Variants in CFAP46 observed in about 807,000 individuals in gnomAD.
CFAP46 encodes the protein cilia and flagella associated protein 46.
In CFAP46, 245 loss-of-function variants were observed where a neutral mutation model predicts 325.7. That is an observed-to-expected ratio of 0.75 (90% CI 0.68 to 0.84). The LOEUF (loss-of-function observed/expected upper bound fraction) is 0.84, where lower values mean the gene tolerates loss of function less well. Ranked by LOEUF, CFAP46 falls within the 40% of genes least tolerant of loss-of-function variation. CFAP46 has a pLI of 0.00. For missense variants in CFAP46, 3,346 were observed against 3,543.0 expected (o/e 0.94, Z 1.41); for synonymous variants, 1,523 against 1,495.9 (o/e 1.02, Z -0.42).
intron 44 of CFAP46, among the ~76,000 whole-genome samples, chr10:132,843,918 G>C (rs536683892): frequency 2.6e-3 from 363 of 140,616 alleles, no homozygotes; most frequent in Admixed American, 3.6e-3. Flanking sequence ...CTCCTGGTGG[G>C]TGTTCCCAGG....
chr10:132,892,774 C>T (rs1001858819), intron 24 of CFAP46, among the ~76,000 whole-genome samples: 4 of 152,186 alleles, frequency 2.6e-5, no homozygotes, highest in Non-Finnish European at 4.4e-5. Flanking sequence ...CAAACTTGGC[C>T]CAGGTAAACT....
chr10:132,917,146 G>C (rs1267271304), intron 16 of CFAP46, among the ~76,000 whole-genome samples: 1 of 152,266 alleles, frequency 6.6e-6, no homozygotes, highest in South Asian at 2.1e-4. Flanking sequence ...CCTGAGCAGA[G>C]AGTTCTGTGC....
chr10:132,830,779 C>G (rs1391505537), intron 50 of CFAP46, among the ~76,000 whole-genome samples: 1 of 152,078 alleles, frequency 6.6e-6, no homozygotes, highest in African/African-American at 2.4e-5. Context: ...GTTTCTGTTT[C>G]CTGTGTCATA....
In CFAP46 at chr10:132,840,918, G is replaced by A. The variant is rs527252816; in HGVS notation, c.6439-4004C>T. 5.9e-4 allele frequency among the ~76,000 whole-genome samples: 90 copies of A among 152,276 alleles called. 1 individual carries two copies. In the Middle Eastern group the frequency reaches 0.014, roughly 23 times the overall value. ...CGCAGGTGGGGACACCATAGAGTCC[G>A]GGGTGGCACAGGGCATTCCGTGGCG... On this transcript the variant is annotated intron_variant, in intron 44 of 57. Transcript: ENST00000368586.
chr10:132,822,513 G>A (rs1847884721), intron 50 of CFAP46, among the ~76,000 whole-genome samples: 2 of 116,730 alleles, frequency 1.7e-5, no homozygotes, highest in African/African-American at 6.9e-5. Flanking sequence ...GCTGTGTGCT[G>A]ATGTGTGCTG....
chr10:132,880,911 A>C lies in CFAP46; in HGVS notation c.3749T>G (p.Leu1250Arg). ...GACATCGCCGGGCGGCTTCATGGCC[A>C]GCAGGATCTCGACAGCCCAGCGGAG... ...FHLRWAVEIL[L>R]AMKPPGDVPE... Residue 1250 changes from leucine to arginine, a missense_variant, in exon 28 of 58, where the codon CTG becomes CGG. Coordinates refer to ENST00000368586, the MANE Select transcript of CFAP46 (RefSeq NM_001200049.3). 1.3e-6 allele frequency: 2 copies of C among 1,550,368 alleles called. No individual in the cohort carries two copies. The highest frequency in any genetic ancestry group is 2.7e-5 in the African/African-American group (2 of 73,174).
intron 12 of CFAP46, 127 bp from the exon 13 acceptor site, chr10:132,922,351 G>A: frequency 6.9e-7 from 1 of 1,454,996 alleles, no homozygotes; most frequent in Non-Finnish European, 9.1e-7. Flanking sequence ...CACAGTGACA[G>A]CTCGGTCCCA....
chr10:132,916,518 G>A (rs115347200), intron 17 of CFAP46, 31 bp downstream of exon 17: 79,513 of 1,539,180 alleles, frequency 0.052, 2,337 homozygotes, highest in Middle Eastern at 0.11. Flanking sequence ...GGCCCCGGGC[G>A]GTGCTCAAGG....
rs752398781 is a variant in CFAP46 at position 132,812,814 on chromosome 10, A to G, written c.7472T>C (p.Val2491Ala). 2.2e-5 allele frequency: 36 copies of G among 1,612,246 alleles called. No individual in the cohort carries two copies. Among genetic ancestry groups the G allele is most frequent in the Non-Finnish European group, 3.1e-5 (36 of 1,179,752 alleles). The change falls in exon 55 of 58, where the codon GTG (valine) becomes GCG (alanine). Residue 2491 changes from valine (V) to alanine (A), a missense_variant. Physicochemically the swap from Val to Ala is moderately conservative, Grantham distance 64 (BLOSUM62 0). Transcript: ENST00000368586. ...CAAGTTCATGGCGACCAATCTCTCCACTAATATATGGGACAGGAAGCTCTC... is the reference window on the plus strand; with the variant it reads ...CAAGTTCATGGCGACCAATCTCTCCGCTAATATATGGGACAGGAAGCTCTC... ...GMESFLSHIL[V>A]ERLVAMNLQE...
rs191396036 is a variant in CFAP46 at position 132,831,637 on chromosome 10, G to A, written c.7117+1721C>T. On this transcript the variant is annotated intron_variant, in intron 50 of 57. Coordinates refer to ENST00000368586, the MANE Select transcript of CFAP46 (RefSeq NM_001200049.3). ...TACCATTTTCTTTGTATTTAAAGTGGGTTTCTTGGAGGAAGCATATTTTGA... is the reference window on the plus strand; with the variant it reads ...TACCATTTTCTTTGTATTTAAAGTGAGTTTCTTGGAGGAAGCATATTTTGA... Among the ~76,000 whole-genome samples the A allele has an allele frequency of 3.6e-3, 552 of 152,056 alleles. 3 individuals carry two copies. The highest frequency in any genetic ancestry group is 7.9e-3 in the South Asian group (38 of 4,794).
At chr10:132,931,349 C>T (rs372746625) in intron 8 of CFAP46, among the ~76,000 whole-genome samples, 86 of 137,274 alleles carry the variant, frequency 6.3e-4, no homozygotes, top group African/African-American at 2.3e-3. Context: ...ACACTCCCCA[C>T]GCAGAGCCTG....
intron 35 of CFAP46, 115 bp downstream of exon 35, chr10:132,865,910 C>A (rs186773982): frequency 9.3e-7 from 1 of 1,069,700 alleles, no homozygotes; most frequent in Non-Finnish European, 1.2e-6. Flanking sequence ...AAGAGAGGCA[C>A]GTGGCCCTGC....
chr10:132,892,311 G>T, intron 25 of CFAP46, 22 bp downstream of exon 25: 1 of 1,548,702 alleles, frequency 6.5e-7, no homozygotes, highest in Non-Finnish European at 8.7e-7. Context: ...GAGCCTGTGG[G>T]TCTGTCTGTC....
rs138016385 is a variant in CFAP46, at chr10:132,834,860, C to T, written c.6745-85G>A. 1.5e-3 allele frequency: 2,221 copies of T among 1,488,606 alleles called. 25 individuals carry two copies. The African/African-American group carries it at 0.026, about 17-fold the overall frequency. The allele number at this position is 1,488,606 out of a possible 1,614,324, so 92.2% of individuals were successfully genotyped here. A position where few individuals can be genotyped will look rare whatever the true frequency, so the allele number is the denominator to read the frequency against. ...GAGGGCCAGGCCCCTGCAGAAAGGC[C>T]GAGCTCCTGCCCCTTCTGCAAACAG... On this transcript the variant is annotated intron_variant, in intron 47 of 57. Transcript: ENST00000368586.
intron 50 of CFAP46, among the ~76,000 whole-genome samples, chr10:132,816,782 C>T (rs554214493): frequency 6.6e-6 from 1 of 152,292 alleles, no homozygotes; most frequent in South Asian, 2.1e-4. Flanking sequence ...TTCATGTCTT[C>T]TGAGTCCCAT....
intron 50 of CFAP46, among the ~76,000 whole-genome samples, chr10:132,823,838 A>G (rs1176603759): frequency 2.2e-4 from 22 of 99,562 alleles, no homozygotes; most frequent in Admixed American, 3.7e-4. Context: ...TGTGTGCTGT[A>G]TGTTGTGTGA....
intron 54 of CFAP46, among the ~76,000 whole-genome samples, chr10:132,813,472 C>T (rs1847625068): frequency 6.8e-6 from 1 of 146,204 alleles, no homozygotes; most frequent in African/African-American, 2.6e-5. Flanking sequence ...CCCTGCAGTG[C>T]CACCCTCTGC....
chr10:132,834,101 C>T lies in CFAP46; in HGVS notation c.6889G>A (p.Ala2297Thr), dbSNP rs778433989. 2 of 1,614,128 alleles carry T rather than the reference C, an allele frequency of 1.2e-6. No homozygotes were observed. The highest frequency in any genetic ancestry group is 4.5e-5 in the East Asian group (2 of 44,878). ...TTGCCCTTCGACTTCCCTGAATCGG[C>T]AACAACCGCAGGTGTCTGCACTCTG... ...KARVQTPAVV[A>T]DSGKSKGKDK... Residue 2297 changes from alanine to threonine, a missense_variant, in exon 49 of 58, where the codon GCC becomes ACC. Ala to Thr is a moderately conservative substitution (Grantham distance 58). Coordinates refer to ENST00000368586, the MANE Select transcript of CFAP46 (RefSeq NM_001200049.3).
intron 50 of CFAP46, among the ~76,000 whole-genome samples, chr10:132,823,901 CTGTGTGAGCGCTGATG>C (rs796860553): frequency 0.032 from 4,303 of 134,678 alleles, 38 homozygotes; most frequent in Middle Eastern, 0.06. Context: ...GCGCTGTGTG[CTGTGTGAGCGCTGATG>C]TGTGTGTGTG....
Sources: gnomAD v4.1 joint callset for allele counts (sites outside exome capture counted in the v4.1 genomes callset) on GRCh38, gnomAD v4.1.1 for gene constraint, MANE v1.5 for transcripts, NCBI Gene and HGNC (gene_info 2026-07-23, HGNC 2026-07-21) for gene names.